The following KLHL5 variants were observed in gnomAD, a reference collection of about 807,000 sequenced individuals.
The protein encoded by KLHL5 is kelch like family member 5, also known as kelch-like protein 5.
KLHL5 carries 48 observed loss-of-function variants against 77.7 expected under a neutral mutation model. That is an observed-to-expected ratio of 0.62 (90% CI 0.49 to 0.79). The LOEUF is 0.79. Among genes scored for constraint, KLHL5 ranks in the 30% least tolerant of loss-of-function variants. KLHL5 has a pLI of 0.00. For synonymous variants in KLHL5, 260 were observed against 297.0 expected (o/e 0.88, Z 1.28); for missense variants, 723 against 859.7 (o/e 0.84, Z 1.99).
At chr4:39,130,746 C>T (rs937499668), downstream of KLHL5, among the ~76,000 whole-genome samples, 9 of 152,186 alleles carry the variant, frequency 5.9e-5, no homozygotes, top group East Asian at 1.9e-4. Context: ...TCTTCAAATC[C>T]GGGCCCTTTG....
chr4:39,114,466 CG>C (rs1186476401), intron 9 of KLHL5, among the ~76,000 whole-genome samples: 3 of 107,318 alleles, frequency 2.8e-5, no homozygotes, highest in Non-Finnish European at 6.8e-5. Context: ...TAAATTTCAA[CG>C]TTGAGTTTTG....
chr4:39,119,733 T>G (rs1320006563), intron 10 of KLHL5, among the ~76,000 whole-genome samples: 1 of 152,208 alleles, frequency 6.6e-6, no homozygotes, highest in Non-Finnish European at 1.5e-5. Flanking sequence ...AAGAGGTGAT[T>G]GCATTGTATT....
At chr4:39,114,630 G>C (rs1722704114) in intron 9 of KLHL5, among the ~76,000 whole-genome samples, 1 of 152,212 alleles carries the variant, frequency 6.6e-6, no homozygotes, top group Admixed American at 6.5e-5. Context: ...AAGGAATGTG[G>C]AAGTGTTTAT....
intron 1 of KLHL5, among the ~76,000 whole-genome samples, chr4:39,075,315 G>C (rs1016396985): frequency 5.7e-5 from 8 of 139,378 alleles, no homozygotes; most frequent in Non-Finnish European, 1.2e-4. Flanking sequence ...TGGGCAACAA[G>C]AGCGAAATTC....
At chr4:39,069,467 TATATATACAC>T (rs1425336631) in intron 1 of KLHL5, among the ~76,000 whole-genome samples, 18 of 63,496 alleles carry the variant, frequency 2.8e-4, no homozygotes, top group East Asian at 1.5e-3. Context: ...TATATATATA[TATATATACAC>T]ACACACACAC....
rs1385625075 is a variant in KLHL5, at chr4:39,062,489, G to C, written c.-164G>C. 2.0e-5 allele frequency: 31 copies of C among 1,585,624 alleles called. No individual in the cohort carries two copies. Among genetic ancestry groups the C allele is most frequent in the Non-Finnish European group, 2.7e-5 (31 of 1,164,644 alleles). ...TTGTTCTTTAAAATCTGATATATTG[G>C]CATAAAAGTAATTGTAGATATATAT... On this transcript the variant is annotated 5_prime_UTR_variant, in exon 1 of 11. Transcript: ENST00000504108.
At chr4:39,101,875 T>TACACAC (rs1425232858) in intron 6 of KLHL5, among the ~76,000 whole-genome samples, 7 of 128,924 alleles carry the variant, frequency 5.4e-5, no homozygotes, top group African/African-American at 2.4e-4. Context: ...TATATATATA[T>TACACAC]ATACACACAC....
rs576646185 is a variant in KLHL5 at position 39,084,948 on chromosome 4, T to A, written c.901-1567T>A. Among the ~76,000 whole-genome samples the A allele has an allele frequency of 2.0e-5, 3 of 152,308 alleles. No homozygotes were observed. In the East Asian group the frequency reaches 5.8e-4, roughly 29 times the overall value. On this transcript the variant is annotated intron_variant, in intron 4 of 10. Coordinates refer to ENST00000504108, the MANE Select transcript of KLHL5 (RefSeq NM_015990.5). ...CCTATAACTGAACATATAGGCTATT[T>A]CCCATTTTTTACCATTGTAAATAAT...
intron 1 of KLHL5, chr4:39,045,117 G>A: frequency 1.0e-6 from 1 of 984,598 alleles, no homozygotes; most frequent in Non-Finnish European, 1.2e-6. Context: ...CTTCCTTCTC[G>A]GCATCGGGGA....
At position 39,062,295 on chromosome 4, in the gene KLHL5, T is replaced by C. The variant is rs1266613641; in HGVS notation, c.-358T>C. On this transcript the variant is annotated 5_prime_UTR_variant, in exon 1 of 11. Coordinates refer to ENST00000504108, the MANE Select transcript of KLHL5 (RefSeq NM_015990.5). ...TGGTTTAAGAAAAAGGGGGTGGTGT[T>C]CTGCATTTGAAAGGACTTTAATGAA... The C allele has an allele frequency of 7.4e-7, 1 of 1,360,308 alleles. No individual in the cohort carries two copies. The highest frequency in any genetic ancestry group is 9.4e-7 in the Non-Finnish European group (1 of 1,059,740). The allele number at this position is 1,360,308 out of a possible 1,614,324, so 84.3% of individuals were successfully genotyped here.
intron 1 of KLHL5, among the ~76,000 whole-genome samples, chr4:39,070,237 AG>A (rs953662178): frequency 2.0e-5 from 3 of 152,156 alleles, no homozygotes; most frequent in African/African-American, 7.2e-5. Flanking sequence ...CTGTAGACTA[AG>A]GCAGGGAATG....
chr4:39,067,584 TTCTTTCTTC>T (rs1340372506), intron 1 of KLHL5, among the ~76,000 whole-genome samples: 2 of 152,106 alleles, frequency 1.3e-5, no homozygotes, highest in African/African-American at 4.8e-5. Context: ...TAGTTTCACC[TTCTTTCTTC>T]AGTTAATTCT....
chr4:39,113,765 G>A (rs1392252422), intron 9 of KLHL5, among the ~76,000 whole-genome samples: 1 of 152,100 alleles, frequency 6.6e-6, no homozygotes, highest in Non-Finnish European at 1.5e-5. Flanking sequence ...CAATCAATAG[G>A]AGCTTGTCTG....
At chr4:39,083,853 A>C (rs746613758) in intron 4 of KLHL5, among the ~76,000 whole-genome samples, 28 of 152,330 alleles carry the variant, frequency 1.8e-4, no homozygotes, top group Admixed American at 5.2e-4. Context: ...AATTTAAATT[A>C]GCTGGATGTT....
rs563857298 is a variant in KLHL5 at position 39,124,559 on chromosome 4, A to G, written c.*3493A>G. Among the ~76,000 whole-genome samples, 30 of 152,286 alleles carry G rather than the reference A, an allele frequency of 2.0e-4. No individual in the cohort carries two copies. The highest frequency in any genetic ancestry group is 7.2e-4 in the African/African-American group (30 of 41,564). The stretch of plus-strand genomic sequence containing the variant: ...TTTGACAAGGGTTCCAGGACCATTC[A>G]ATGAAGAAAGAACAGTGTCTTCAAC... On this transcript the variant is annotated 3_prime_UTR_variant, in exon 11 of 11. Coordinates refer to ENST00000504108, the MANE Select transcript of KLHL5 (RefSeq NM_015990.5).
At chr4:39,102,513 G>T (rs1322597900) in intron 6 of KLHL5, among the ~76,000 whole-genome samples, 1 of 65,104 alleles carries the variant, frequency 1.5e-5, no homozygotes, top group East Asian at 6.5e-4. Flanking sequence ...AGTAGAATAT[G>T]TTCCCTCCTC....
chr4:39,133,053 A>G, the KLHL5 span, among the ~76,000 whole-genome samples: 1 of 148,668 alleles, frequency 6.7e-6, no homozygotes, highest in Admixed American at 6.6e-5. Context: ...TCGTCTGACC[A>G]TAATAAAATA....
chr4:39,104,390 G>A (rs1317020421), intron 7 of KLHL5, among the ~76,000 whole-genome samples: 1 of 152,166 alleles, frequency 6.6e-6, no homozygotes, highest in Non-Finnish European at 1.5e-5. Flanking sequence ...GCATGAATGA[G>A]ACTTAGAAAT....
chr4:39,128,835 G>A (rs928565906), downstream of KLHL5, among the ~76,000 whole-genome samples: 1 of 152,028 alleles, frequency 6.6e-6, no homozygotes, highest in Non-Finnish European at 1.5e-5. Flanking sequence ...GCGTGATGGT[G>A]TGCACCTCTG....
Sources: allele counts gnomAD v4.1 joint callset (sites outside exome capture counted in the v4.1 genomes callset), GRCh38; gene constraint gnomAD v4.1.1; transcripts MANE v1.5; gene names NCBI Gene and HGNC (gene_info 2026-07-23, HGNC 2026-07-21).